The following NALF1 variants were observed in gnomAD, a reference collection of about 807,000 sequenced individuals.
NALF1 encodes the protein family with sequence similarity 155 member A.
Under a neutral mutation model 48.4 loss-of-function variants are expected in NALF1, and 3 were observed. The observed-to-expected ratio is 0.06, with a 90% CI of 0.03 to 0.16. The LOEUF (loss-of-function observed/expected upper bound fraction) is 0.16, where lower values mean the gene tolerates loss of function less well. Ranked by LOEUF, NALF1 falls within the 10% of genes least tolerant of loss-of-function variation. The probability of loss-of-function intolerance (pLI) is 1.00; values close to 1 mark genes in which losing one functional copy is unlikely to be tolerated. For synonymous variants in NALF1, 262 were observed against 245.7 expected (o/e 1.07, Z -0.62); for missense variants, 526 against 571.5 (o/e 0.92, Z 0.81).
chr13:107,302,847 C>G (rs1291592060), intron 1 of NALF1, among the ~76,000 whole-genome samples: 1 of 152,124 alleles, frequency 6.6e-6, no homozygotes, highest in Non-Finnish European at 1.5e-5. Flanking sequence ...CTCTCACTCT[C>G]TCACACACAC....
At chr13:107,470,570 C>G (rs1190245448) in intron 1 of NALF1, among the ~76,000 whole-genome samples, 6 of 152,154 alleles carry the variant, frequency 3.9e-5, no homozygotes, top group African/African-American at 1.4e-4. Context: ...GAAATAGTCA[C>G]ACAAATACAC....
Position 107,359,389 on chromosome 13 carries a change from T to C in NALF1, c.916-148634A>G, listed in dbSNP as rs1044413455. 2.0e-5 allele frequency among the ~76,000 whole-genome samples: 3 copies of C among 152,122 alleles called. No individual in the cohort carries two copies. The South Asian group carries it at 6.2e-4, about 32-fold the overall frequency. Reference sequence around the variant, plus strand: ...CCTTCCCTTCCCTCAATGTCTAAAATAGAAAAATGCATTATCTAGCCATAT... The same window carrying C: ...CCTTCCCTTCCCTCAATGTCTAAAACAGAAAAATGCATTATCTAGCCATAT... On this transcript the variant is annotated intron_variant, in intron 1 of 2. Coordinates refer to ENST00000375915, the MANE Select transcript of NALF1 (RefSeq NM_001080396.3).
rs1880296801 is a variant in NALF1 at position 107,234,485 on chromosome 13, A to G, written c.916-23730T>C. On this transcript the variant is annotated intron_variant, in intron 1 of 2. Coordinates refer to ENST00000375915, the MANE Select transcript of NALF1 (RefSeq NM_001080396.3). ...AGGATGCCATTTTTATAAACATCAA[A>G]GACAGGCGGGACAGCCAGCCCCGGC... Among the ~76,000 whole-genome samples the G allele has an allele frequency of 2.6e-5, 4 of 152,324 alleles. No individual in the cohort carries two copies. The East Asian group carries it at 7.7e-4, about 30-fold the overall frequency.
chr13:107,738,302 T>C (rs1426179758), intron 1 of NALF1, among the ~76,000 whole-genome samples: 2 of 152,230 alleles, frequency 1.3e-5, no homozygotes, highest in Admixed American at 6.5e-5. Flanking sequence ...AAGTTTCTTC[T>C]GGATAAGAGG....
At chr13:107,726,912 CTTGTGTGTGTGTGTGTGT>C (rs1413830419) in intron 1 of NALF1, among the ~76,000 whole-genome samples, 1 of 97,352 alleles carries the variant, frequency 1.0e-5, no homozygotes, top group Admixed American at 9.8e-5. Context: ...CCGGCAAATT[CTTGTGTGTGTGTGTGTGT>C]GTGTGTGTGT....
intron 1 of NALF1, among the ~76,000 whole-genome samples, chr13:107,504,433 T>A (rs1875630838): frequency 6.6e-6 from 1 of 152,112 alleles, no homozygotes; most frequent in Non-Finnish European, 1.5e-5. Flanking sequence ...GCCGCTCTTG[T>A]CACAAAAAGT....
At chr13:107,597,361 T>C (rs922884768) in intron 1 of NALF1, among the ~76,000 whole-genome samples, 11 of 152,140 alleles carry the variant, frequency 7.2e-5, no homozygotes, top group Admixed American at 3.9e-4. Context: ...TAATTCAAAT[T>C]ATGCTTTCTG....
At chr13:107,710,754 T>A (rs998663803) in intron 1 of NALF1, among the ~76,000 whole-genome samples, 20 of 138,450 alleles carry the variant, frequency 1.4e-4, no homozygotes, top group African/African-American at 5.0e-4. Context: ...ATCATATATA[T>A]ACATATATGT....
At chr13:107,583,039 G>A (rs1459173154) in intron 1 of NALF1, among the ~76,000 whole-genome samples, 1 of 152,054 alleles carries the variant, frequency 6.6e-6, no homozygotes. Context: ...TCTCAGCAAT[G>A]CATATAGGAG....
chr13:107,423,489 C>T (rs1376766614), intron 1 of NALF1, among the ~76,000 whole-genome samples: 2 of 152,072 alleles, frequency 1.3e-5, no homozygotes, highest in Non-Finnish European at 1.5e-5. Context: ...TCCATCTTCT[C>T]TGGTGGGGAA....
At chr13:107,280,897 T>C (rs1411919348) in intron 1 of NALF1, among the ~76,000 whole-genome samples, 2 of 152,206 alleles carry the variant, frequency 1.3e-5, no homozygotes, top group Non-Finnish European at 2.9e-5. Context: ...GGAAGGCACA[T>C]GATCAAAAAG....
Position 107,526,543 on chromosome 13 carries a change from T to C in NALF1, c.916-315788A>G, listed in dbSNP as rs138413256. Among the ~76,000 whole-genome samples the C allele has an allele frequency of 3.0e-4, 45 of 152,236 alleles. No homozygotes were observed. In the East Asian group the frequency reaches 8.3e-3, roughly 28 times the overall value. On this transcript the variant is annotated intron_variant, in intron 1 of 2. Transcript: ENST00000375915. ...CAGCAAGCCTGACAATCTTAGAGGA[T>C]TGAGTTGCATTCTAATGACAAATAA...
At chr13:107,313,040 C>G (rs557377964) in intron 1 of NALF1, among the ~76,000 whole-genome samples, 1 of 152,046 alleles carries the variant, frequency 6.6e-6, no homozygotes, top group Non-Finnish European at 1.5e-5. Context: ...AAGTAGTTCT[C>G]TTGGAAATTT....
At chr13:107,723,444 T>C (rs938209658) in intron 1 of NALF1, among the ~76,000 whole-genome samples, 1 of 152,140 alleles carries the variant, frequency 6.6e-6, no homozygotes, top group Non-Finnish European at 1.5e-5. Context: ...ACACATACGG[T>C]ATACACACAC....
intron 2 of NALF1, among the ~76,000 whole-genome samples, chr13:107,196,565 T>C (rs970509297): frequency 6.6e-6 from 1 of 152,176 alleles, no homozygotes; most frequent in Non-Finnish European, 1.5e-5. Context: ...CTAGGGGACA[T>C]TATGTTAAGT....
At chr13:107,624,305 G>C (rs1352848991) in intron 1 of NALF1, among the ~76,000 whole-genome samples, 1 of 152,154 alleles carries the variant, frequency 6.6e-6, no homozygotes, top group Non-Finnish European at 1.5e-5. Context: ...CATGTGGATA[G>C]TGGGGAGCAA....
At position 107,710,171 on chromosome 13, in the gene NALF1, G is replaced by GA. The variant is rs1218835348; in HGVS notation, c.915+155510dup. Reference sequence around the variant, plus strand: ...AAAAAGGAGAAAAGAAAAGAAACAAGAAAAAAAAGAAAGAAAGAAAAGAAA... The same window carrying GA: ...AAAAAGGAGAAAAGAAAAGAAACAAGAAAAAAAAAGAAAGAAAGAAAAGAAA... On this transcript the variant is annotated intron_variant, in intron 1 of 2. Coordinates refer to ENST00000375915, the MANE Select transcript of NALF1 (RefSeq NM_001080396.3). Among the ~76,000 whole-genome samples, 5 of 147,322 alleles carry GA rather than the reference G, an allele frequency of 3.4e-5. No homozygotes were observed. In the East Asian group the frequency reaches 7.9e-4, roughly 23 times the overall value.
rs1006481717 is a variant in NALF1 at position 107,580,406 on chromosome 13, C to T, written c.915+285276G>A. Among the ~76,000 whole-genome samples the T allele has an allele frequency of 5.9e-5, 9 of 152,156 alleles. 1 individual carries two copies. The highest frequency in any genetic ancestry group is 1.0e-4 in the Non-Finnish European group (7 of 68,042). On this transcript the variant is annotated intron_variant, in intron 1 of 2. Transcript: ENST00000375915. ...CTTTTTCATGCCTGGAAAGCTCTGC[C>T]TGAATTGTGTGCAGGGCCCTATCCT...
chr13:107,499,543 T>G (rs1594096240), intron 1 of NALF1, among the ~76,000 whole-genome samples: 2 of 152,268 alleles, frequency 1.3e-5, no homozygotes, highest in African/African-American at 4.8e-5. Flanking sequence ...TGTCTCAGAA[T>G]AGCAGAAATT....
Sources: gnomAD v4.1 joint callset for allele counts (sites outside exome capture counted in the v4.1 genomes callset) on GRCh38, gnomAD v4.1.1 for gene constraint, MANE v1.5 for transcripts, NCBI Gene and HGNC (gene_info 2026-07-23, HGNC 2026-07-21) for gene names.